The following ADGRL1 variants were observed in gnomAD, a reference collection of about 807,000 sequenced individuals.
ADGRL1 encodes the protein CIRL-1.
A neutral mutation model predicts 148.9 loss-of-function variants in ADGRL1; 31 were observed. The observed-to-expected ratio is 0.21, with a 90% CI of 0.16 to 0.28. The LOEUF is 0.28. ADGRL1 is among the 10% of genes least tolerant of loss of function. The probability of loss-of-function intolerance (pLI) is 1.00; values close to 1 mark genes in which losing one functional copy is unlikely to be tolerated. For synonymous variants in ADGRL1, 937 were observed against 900.3 expected (o/e 1.04, Z -0.73); for missense variants, 1,521 against 2,058.8 (o/e 0.74, Z 5.05).
intron 1 of ADGRL1, among the ~76,000 whole-genome samples, chr19:14,196,619 C>CA (rs1283660028): frequency 6.6e-6 from 1 of 152,026 alleles, no homozygotes; most frequent in African/African-American, 2.4e-5. Context: ...GACCCCATCT[C>CA]AAAAACAAAA....
chr19:14,159,232 A>C lies in ADGRL1; in HGVS notation c.2024-17T>G. 2 of 1,613,776 alleles carry C rather than the reference A, an allele frequency of 1.2e-6. No individual in the cohort carries two copies. The highest frequency in any genetic ancestry group is 1.7e-6 in the Non-Finnish European group (2 of 1,179,764). ...CCTCCAGGACTGTGGGGACAGGGGA[A>C]GGCAAGGCATACACAGTTGGGGTCT... On this transcript the variant is annotated splice_polypyrimidine_tract_variant and intron_variant, in intron 10 of 22. Transcript: ENST00000361434. The surrounding 1 kb of genome is among the most constrained non-coding windows in gnomAD (Gnocchi z 6.0).
intron 2 of ADGRL1, among the ~76,000 whole-genome samples, chr19:14,181,986 C>T (rs930966924): frequency 2.6e-5 from 4 of 152,158 alleles, no homozygotes; most frequent in Admixed American, 1.3e-4. Context: ...GGGGGGATTG[C>T]GTTGCCCCAT....
chr19:14,158,443 G>A lies in ADGRL1; in HGVS notation c.2259C>T (p.Gly753=), dbSNP rs767845634. ...CCTGTGAGTTCACCACTAGAGAGGC[G>A]CCCCCAGGGCCACCCGGGCCTGCTT... The part of the protein sequence containing the change: ...AGEAGPGGPG[G]ASLVVNSQVI... The change falls in exon 12 of 23, where the codon GGC becomes GGT. Residue 753 remains glycine (G), a synonymous_variant. Transcript: ENST00000361434. 8.7e-6 allele frequency: 14 copies of A among 1,613,664 alleles called. No homozygotes were observed. Among genetic ancestry groups the A allele is most frequent in the Middle Eastern group, 1.6e-4 (1 of 6,084 alleles).
At chr19:14,170,887 C>T (rs1209175881) in intron 3 of ADGRL1, 96 bp from the exon 4 acceptor site, 1 of 669,212 alleles carries the variant, frequency 1.5e-6, no homozygotes, top group East Asian at 2.8e-5. Context: ...ATAGACACCC[C>T]CAAATTGGGA....
intron 1 of ADGRL1, among the ~76,000 whole-genome samples, chr19:14,185,906 C>A (rs142760893): frequency 0.016 from 2,459 of 152,348 alleles, 72 homozygotes; most frequent in African/African-American, 0.056. Context: ...TTGCTTCCTC[C>A]ACCTGTAGCT....
intron 1 of ADGRL1, among the ~76,000 whole-genome samples, chr19:14,197,611 C>T (rs1972343769): frequency 6.6e-6 from 1 of 152,162 alleles, no homozygotes; most frequent in South Asian, 2.1e-4. Context: ...TTCTGCTCTC[C>T]CTCCAAAGGG....
intron 2 of ADGRL1, among the ~76,000 whole-genome samples, chr19:14,179,910 A>G (rs1971075762): frequency 6.6e-6 from 1 of 152,066 alleles, no homozygotes; most frequent in South Asian, 2.1e-4. Context: ...ACAAAGACAC[A>G]TGGTCTCTGG....
In ADGRL1 at chr19:14,159,323, C is replaced by G; in HGVS notation, c.2023+78G>C. ...GCAAGATGCCCAAGGGTCGGATAGC[C>G]CCCCTGTGGCCTCCAGGCCAGAACC... On this transcript the variant is annotated intron_variant, in intron 10 of 22. Coordinates refer to ENST00000361434, the MANE Select transcript of ADGRL1 (RefSeq NM_014921.5). This position sits in a 1 kb window ranked among gnomAD's most constrained non-coding sequence, Gnocchi z 6.0. The G allele has an allele frequency of 7.0e-6, 11 of 1,571,002 alleles. No individual in the cohort carries two copies. Among genetic ancestry groups the G allele is most frequent in the Non-Finnish European group, 8.7e-6 (10 of 1,154,772 alleles).
chr19:14,182,487 AGAGCT>A (rs1254340613), intron 2 of ADGRL1, among the ~76,000 whole-genome samples: 1 of 152,216 alleles, frequency 6.6e-6, no homozygotes, highest in African/African-American at 2.4e-5. Flanking sequence ...GGACGGTGAC[AGAGCT>A]GAGCCTTTCC....
At chr19:14,158,747 C>T (rs925121194) in intron 11 of ADGRL1, among the ~76,000 whole-genome samples, 195 bp from the exon 12 acceptor site, 1 of 152,214 alleles carries the variant, frequency 6.6e-6, no homozygotes, top group African/African-American at 2.4e-5. Flanking sequence ...CAGCTGAAGG[C>T]AGTTCTAAAC....
intron 1 of ADGRL1, among the ~76,000 whole-genome samples, chr19:14,205,656 C>T (rs1422153995): frequency 6.6e-6 from 1 of 151,438 alleles, no homozygotes; most frequent in East Asian, 2.0e-4. Flanking sequence ...GGCTGGCGCG[C>T]GCGCGGGCAC....
chr19:14,185,301 T>C (rs1364719239), intron 1 of ADGRL1, among the ~76,000 whole-genome samples: 3 of 151,968 alleles, frequency 2.0e-5, no homozygotes, highest in Non-Finnish European at 4.4e-5. Flanking sequence ...TCTCTCTCTT[T>C]CTTTTTTTAA....
intron 4 of ADGRL1, among the ~76,000 whole-genome samples, chr19:14,166,814 C>T (rs965518724): frequency 2.0e-5 from 3 of 152,048 alleles, no homozygotes; most frequent in African/African-American, 7.2e-5. Context: ...GAGGAGCTTC[C>T]GTGGGTATCT....
chr19:14,203,411 C>G (rs537374470), intron 1 of ADGRL1, among the ~76,000 whole-genome samples: 1 of 151,664 alleles, frequency 6.6e-6, no homozygotes, highest in East Asian at 2.0e-4. Context: ...CTGCCACCCT[C>G]CCCACCGAGA....
intron 1 of ADGRL1, among the ~76,000 whole-genome samples, chr19:14,203,826 G>GT (rs1568246960): frequency 6.6e-6 from 1 of 151,552 alleles, no homozygotes; most frequent in African/African-American, 2.4e-5. Flanking sequence ...GGGTACGCAA[G>GT]CGCCCAGAAG....
chr19:14,171,452 T>C (rs1970463424), intron 3 of ADGRL1, among the ~76,000 whole-genome samples: 1 of 152,228 alleles, frequency 6.6e-6, no homozygotes, highest in African/African-American at 2.4e-5. Context: ...TAAACAGTGC[T>C]TTCCTGGCCA....
intron 1 of ADGRL1, among the ~76,000 whole-genome samples, chr19:14,198,327 C>T (rs1223295432): frequency 1.3e-5 from 2 of 152,080 alleles, no homozygotes; most frequent in Non-Finnish European, 2.9e-5. Context: ...GGAGATCAGA[C>T]TGTGTGTGGG....
In ADGRL1 at chr19:14,151,584, G is replaced by C; in HGVS notation, c.3699C>G (p.Gly1233=). The C allele has an allele frequency of 6.2e-7, 1 of 1,607,040 alleles. No homozygotes were observed. Among genetic ancestry groups the C allele is most frequent in the Non-Finnish European group, 8.5e-7 (1 of 1,178,990 alleles). ...TGCCGTTCAGGGGCAGGGTGTCCAT[G>C]CCACAGGCTTCCCGGCCTCCCAAGG... ...KHPLGGREAC[G]MDTLPLNGNF... Residue 1233 remains glycine, a synonymous_variant, in exon 23 of 23, where the codon GGC becomes GGG. Coordinates refer to ENST00000361434, the MANE Select transcript of ADGRL1 (RefSeq NM_014921.5).
chr19:14,173,983 G>C (rs948259078), intron 3 of ADGRL1, among the ~76,000 whole-genome samples: 3 of 150,036 alleles, frequency 2.0e-5, no homozygotes, highest in African/African-American at 7.4e-5. Context: ...CTCCAGGCTT[G>C]GTTGTGGAGC....
Sources: allele counts gnomAD v4.1 joint callset (sites outside exome capture counted in the v4.1 genomes callset), GRCh38; gene constraint gnomAD v4.1.1; non-coding constraint Gnocchi (gnomAD v3.1); transcripts MANE v1.5; gene names NCBI Gene and HGNC (gene_info 2026-07-23, HGNC 2026-07-21).